The following GON4L variants were observed in gnomAD, a reference collection of about 807,000 sequenced individuals.
GON4L encodes the protein GON-4-like protein.
A neutral mutation model predicts 211.8 loss-of-function variants in GON4L; 87 were observed. The ratio of observed to expected loss-of-function variants is 0.41; its 90% confidence interval spans 0.35 to 0.49. The LOEUF (loss-of-function observed/expected upper bound fraction) is 0.49. GON4L is among the 20% of genes least tolerant of loss of function. The pLI is 0.15. For missense variants in GON4L, 2,155 were observed against 2,659.5 expected, an observed-to-expected ratio of 0.81 and a Z score of 4.17; for synonymous variants, 875 against 962.6, an observed-to-expected ratio of 0.91 and a Z score of 1.68.
At chr1:155,800,706 G>T (rs1006338929) in intron 11 of GON4L, among the ~76,000 whole-genome samples, 2 of 151,872 alleles carry the variant, frequency 1.3e-5, no homozygotes, top group African/African-American at 4.8e-5. Flanking sequence ...ACAAAAATTA[G>T]CTGGGCATGG....
intron 11 of GON4L, among the ~76,000 whole-genome samples, 185 bp from the exon 12 acceptor site, chr1:155,795,336 C>T (rs1665961733): frequency 6.6e-6 from 1 of 152,004 alleles, no homozygotes; most frequent in Non-Finnish European, 1.5e-5. Context: ...AAGTGATCCT[C>T]CCACCTTAGC....
chr1:155,823,617 G>A lies in GON4L; in HGVS notation c.698-1141C>T, dbSNP rs1383761706. Among the ~76,000 whole-genome samples the A allele has an allele frequency of 2.0e-5, 3 of 152,152 alleles. No individual in the cohort carries two copies. In the East Asian group the frequency reaches 5.8e-4, roughly 29 times the overall value. Reference sequence around the variant, plus strand: ...TAAAAGCATTTGCCAAAGTGAGGCTGGACGCAGTGGCTCACACCTATAATT... The same window carrying A: ...TAAAAGCATTTGCCAAAGTGAGGCTAGACGCAGTGGCTCACACCTATAATT... On this transcript the variant is annotated intron_variant, in intron 3 of 31. Transcript: ENST00000368331.
intron 11 of GON4L, among the ~76,000 whole-genome samples, chr1:155,797,357 C>CA (rs1208412732): frequency 6.6e-6 from 1 of 151,836 alleles, no homozygotes; most frequent in Non-Finnish European, 1.5e-5. Flanking sequence ...TCAGGTGATC[C>CA]ACCTGCCTCG....
chr1:155,803,490 G>A (rs553236014), intron 11 of GON4L, among the ~76,000 whole-genome samples: 3 of 152,170 alleles, frequency 2.0e-5, no homozygotes, highest in Admixed American at 6.5e-5. Flanking sequence ...TGATCCGCCC[G>A]CCTCGGCCTC....
intron 2 of GON4L, among the ~76,000 whole-genome samples, chr1:155,848,835 T>C (rs1370595762): frequency 1.3e-5 from 2 of 152,238 alleles, no homozygotes; most frequent in East Asian, 1.9e-4. Flanking sequence ...TGTAGGTTAC[T>C]GCAATGGTTT....
chr1:155,855,572 C>T (rs2102527023), intron 1 of GON4L, among the ~76,000 whole-genome samples: 1 of 152,266 alleles, frequency 6.6e-6, no homozygotes, highest in African/African-American at 2.4e-5. Flanking sequence ...AGTATTGATA[C>T]TCAATGTGTC....
intron 14 of GON4L, 148 bp from the exon 15 acceptor site, chr1:155,777,968 C>G: frequency 1.4e-6 from 1 of 697,408 alleles, no homozygotes; most frequent in South Asian, 1.5e-5. Flanking sequence ...AAACTCTCAG[C>G]CTTTTACAAA....
At chr1:155,790,185 C>T (rs988882942) in intron 12 of GON4L, among the ~76,000 whole-genome samples, 7 of 152,140 alleles carry the variant, frequency 4.6e-5, no homozygotes, top group South Asian at 4.2e-4. Flanking sequence ...CTGCAGCCTC[C>T]GCCTCCCAGG....
At chr1:155,844,585 G>C (rs1671063746) in intron 2 of GON4L, among the ~76,000 whole-genome samples, 1 of 151,964 alleles carries the variant, frequency 6.6e-6, no homozygotes, top group Non-Finnish European at 1.5e-5. Context: ...GTGAGACTGT[G>C]TCTCTATAAA....
In GON4L at chr1:155,753,388, G is replaced by C; in HGVS notation, c.5658C>G (p.Ser1886Arg). 1.9e-6 allele frequency: 3 copies of C among 1,613,534 alleles called. No homozygotes were observed. The highest frequency in any genetic ancestry group is 2.5e-6 in the Non-Finnish European group (3 of 1,179,672). Residue 1886 changes from serine (S) to arginine (R), a missense_variant, in exon 29 of 32, where the codon AGC becomes AGG. Ser to Arg is a moderately radical substitution (Grantham distance 110, BLOSUM62 -1). This residue lies in a region of GON4L where 455 missense variants were observed against 504.6 expected (regional missense o/e 0.90). Coordinates refer to ENST00000368331, the MANE Select transcript of GON4L (RefSeq NM_001282860.2). ...SKVCDSKSYK[S>R]KEPHELVGSS... is the part of the protein sequence containing the mutation. ...TGCCCACCAACTCATGGGGCTCCTT[G>C]CTCTTGTAGGATTTGCTGTCACAGA...
intron 2 of GON4L, among the ~76,000 whole-genome samples, chr1:155,840,023 A>G (rs1280862043): frequency 6.6e-6 from 1 of 152,166 alleles, no homozygotes; most frequent in Admixed American, 6.5e-5. Context: ...CCTTTTCATC[A>G]GTTGCTGTAA....
chr1:155,849,543 CAAAAAAAAAA>C lies in GON4L; in HGVS notation c.505+3723_505+3732del, dbSNP rs916595257. Among the ~76,000 whole-genome samples, 7 of 47,032 alleles carry C rather than the reference CAAAAAAAAAA, an allele frequency of 1.5e-4. No homozygotes were observed. In the South Asian group the frequency reaches 4.8e-3, roughly 33 times the overall value. 30.9% of individuals were successfully genotyped at this position (47,032 alleles called of 152,430 possible). ...TGGCTGACAGAGAAAGACTCTGTCTCAAAAAAAAAAAAAAAAAAAAGGTAGTTCAAAACCA... is the reference window on the plus strand; with the variant it reads ...TGGCTGACAGAGAAAGACTCTGTCTCAAAAAAAAAAGGTAGTTCAAAACCA... On this transcript the variant is annotated intron_variant, in intron 2 of 31. Coordinates refer to ENST00000368331, the MANE Select transcript of GON4L (RefSeq NM_001282860.2).
chr1:155,827,283 A>G (rs1669299365), intron 2 of GON4L, among the ~76,000 whole-genome samples: 1 of 152,204 alleles, frequency 6.6e-6, no homozygotes, highest in Non-Finnish European at 1.5e-5. Context: ...TTCCTATGAA[A>G]AATCAGACTT....
chr1:155,844,407 T>A (rs1671043209), intron 2 of GON4L, among the ~76,000 whole-genome samples: 2 of 152,228 alleles, frequency 1.3e-5, no homozygotes, highest in South Asian at 4.1e-4. Flanking sequence ...GCAAGCCACC[T>A]GGTTACATAT....
intron 2 of GON4L, among the ~76,000 whole-genome samples, chr1:155,835,063 A>G (rs1670173126): frequency 6.6e-6 from 1 of 152,174 alleles, no homozygotes; most frequent in South Asian, 2.1e-4. Flanking sequence ...AAAGATTGAG[A>G]AATTGGATGG....
chr1:155,839,976 C>T (rs905896169), intron 2 of GON4L, among the ~76,000 whole-genome samples: 2 of 152,110 alleles, frequency 1.3e-5, no homozygotes, highest in African/African-American at 2.4e-5. Flanking sequence ...GCTTTTTCTC[C>T]CCTTGAGAAA....
At position 155,749,873 on chromosome 1, in the gene GON4L, G is replaced by A. The variant is rs1207632126; in HGVS notation, c.*711C>T. Reference sequence around the variant, plus strand: ...TTCCTTATCAGTTTGGCGAGTCCCAGGGCAGAATAATCATCCATCTACAGG... The same window carrying A: ...TTCCTTATCAGTTTGGCGAGTCCCAAGGCAGAATAATCATCCATCTACAGG... On this transcript the variant is annotated 3_prime_UTR_variant, in exon 32 of 32. Transcript: ENST00000368331. 6.9e-6 allele frequency: 11 copies of A among 1,603,146 alleles called. No homozygotes were observed. The highest frequency in any genetic ancestry group is 9.4e-6 in the Non-Finnish European group (11 of 1,173,882).
intron 16 of GON4L, among the ~76,000 whole-genome samples, chr1:155,775,607 C>G (rs1448275825): frequency 6.6e-6 from 1 of 151,620 alleles, no homozygotes; most frequent in Non-Finnish European, 1.5e-5. Context: ...TACAGGCGCC[C>G]GCTACCACGC....
chr1:155,822,525 G>A (rs760355131), intron 3 of GON4L, 49 bp from the exon 4 acceptor site: 2 of 1,417,348 alleles, frequency 1.4e-6, no homozygotes, highest in East Asian at 4.5e-5. Flanking sequence ...AGCTGCTCCA[G>A]GAACTTAGCC....
Sources: gnomAD v4.1 joint callset for allele counts (sites outside exome capture counted in the v4.1 genomes callset) on GRCh38, gnomAD v4.1.1 for gene constraint, gnomAD v4.1.1 regional missense constraint, MANE v1.5 for transcripts, NCBI Gene and HGNC (gene_info 2026-07-23, HGNC 2026-07-21) for gene names.